Variants in AHI1 observed in about 807,000 individuals in gnomAD.
AHI1 encodes jouberin.
AHI1 carries 123 observed loss-of-function variants against 149.3 expected under a neutral mutation model. The observed-to-expected ratio is 0.82, with a 90% CI of 0.71 to 0.96. The LOEUF (loss-of-function observed/expected upper bound fraction) is 0.96. Among genes scored for constraint, AHI1 ranks in the 40% least tolerant of loss-of-function variants. AHI1 has a pLI of 0.00. For synonymous variants in AHI1, 475 were observed against 459.8 expected (o/e 1.03, Z -0.42); for missense variants, 1,439 against 1,422.7 (o/e 1.01, Z -0.18).
chr6:135,405,453 A>G (rs1350856468), intron 21 of AHI1, among the ~76,000 whole-genome samples: 1 of 152,140 alleles, frequency 6.6e-6, no homozygotes, highest in African/African-American at 2.4e-5. Flanking sequence ...ACAGAAAGGA[A>G]CTCTGTACAA....
At chr6:135,469,417 A>G (rs553814566) in intron 5 of AHI1, among the ~76,000 whole-genome samples, 1 of 152,314 alleles carries the variant, frequency 6.6e-6, no homozygotes, top group African/African-American at 2.4e-5. Context: ...TAATTTATAA[A>G]TTCTATGCTA....
chr6:135,454,343 T>C (rs1788590107), intron 10 of AHI1, among the ~76,000 whole-genome samples: 1 of 152,128 alleles, frequency 6.6e-6, no homozygotes, highest in Non-Finnish European at 1.5e-5. Flanking sequence ...TGTCAATACA[T>C]ACACATGAAT....
chr6:135,396,794 T>C (rs1779275160), intron 22 of AHI1, among the ~76,000 whole-genome samples: 1 of 151,644 alleles, frequency 6.6e-6, no homozygotes, highest in Non-Finnish European at 1.5e-5. Flanking sequence ...AAGATATATC[T>C]ATATACACAC....
chr6:135,387,901 A>T, intron 23 of AHI1: 1 of 1,584,706 alleles, frequency 6.3e-7, no homozygotes, highest in Non-Finnish European at 8.6e-7. Context: ...CGAAGAGAGA[A>T]AGTGAACTAC....
At chr6:135,417,205 A>C (rs1054020261) in intron 20 of AHI1, among the ~76,000 whole-genome samples, 3 of 151,992 alleles carry the variant, frequency 2.0e-5, no homozygotes, top group Non-Finnish European at 4.4e-5. Flanking sequence ...TCAACATTTA[A>C]TTGTGTTTTG....
intron 22 of AHI1, among the ~76,000 whole-genome samples, chr6:135,398,202 T>C (rs887352861): frequency 9.9e-5 from 15 of 152,006 alleles, no homozygotes; most frequent in African/African-American, 3.6e-4. Context: ...ATTCTCATAA[T>C]ATAAATTTTA....
At chr6:135,287,439 C>A (rs1319726438) in intron 28 of AHI1, among the ~76,000 whole-genome samples, 2 of 152,178 alleles carry the variant, frequency 1.3e-5, no homozygotes, top group African/African-American at 4.8e-5. Context: ...TGGTCATGTG[C>A]ACCCTTCGGA....
At chr6:135,451,198 T>C (rs1332647355) in intron 11 of AHI1, among the ~76,000 whole-genome samples, 1 of 152,140 alleles carries the variant, frequency 6.6e-6, no homozygotes. Flanking sequence ...GGTTTCACCA[T>C]ATTGGCCAGG....
chr6:135,340,674 T>TATACACATACATAC (rs1554283264), intron 24 of AHI1, among the ~76,000 whole-genome samples: 3 of 132,778 alleles, frequency 2.3e-5, no homozygotes, highest in African/African-American at 8.6e-5. Context: ...TATATATATA[T>TATACACATACATAC]ATATATATAT....
intron 24 of AHI1, among the ~76,000 whole-genome samples, chr6:135,356,479 A>C (rs17064469): frequency 0.02 from 3,014 of 152,244 alleles, 96 homozygotes; most frequent in African/African-American, 0.068. Context: ...GGTTATGGAG[A>C]AAGGGCAAAG....
chr6:135,301,110 T>C (rs1159851288), intron 26 of AHI1: 4 of 985,280 alleles, frequency 4.1e-6, no homozygotes, highest in Admixed American at 1.2e-4. Flanking sequence ...GAGCATCGGA[T>C]ACTTCCTTTA....
At chr6:135,421,902 A>G (rs1197785353) in intron 20 of AHI1, among the ~76,000 whole-genome samples, 3 of 152,198 alleles carry the variant, frequency 2.0e-5, no homozygotes, top group Admixed American at 2.0e-4. Context: ...AAAAATAAAT[A>G]TTTAAAATTC....
intron 5 of AHI1, among the ~76,000 whole-genome samples, chr6:135,482,988 T>C (rs1236265362): frequency 7.0e-6 from 1 of 143,302 alleles, no homozygotes; most frequent in East Asian, 2.2e-4. Context: ...ACCTCCCGGC[T>C]TCAAGTAATT....
Position 135,429,867 on chromosome 6 carries a change from C to T in AHI1, c.2492+15G>A, listed in dbSNP as rs535243555. ...TCTGTGAGTACTTATCCTGTCAACA[C>T]TGAAATATACTTACATCCGGAGATC... On this transcript the variant is annotated intron_variant, in intron 18 of 28. Coordinates refer to ENST00000265602, the MANE Select transcript of AHI1 (RefSeq NM_001134831.2). The T allele has an allele frequency of 2.9e-5, 42 of 1,426,044 alleles. No homozygotes were observed. The East Asian group carries it at 6.3e-4, about 22-fold the overall frequency. The allele number at this position is 1,426,044 out of a possible 1,614,324, so 88.3% of individuals were successfully genotyped here.
intron 24 of AHI1, 46 bp from the exon 25 acceptor site, chr6:135,323,370 C>T (rs1787170592): frequency 1.3e-6 from 2 of 1,578,230 alleles, no homozygotes; most frequent in East Asian, 4.5e-5. Context: ...AACTGTACCA[C>T]AGAGAAAACC....
intron 23 of AHI1, among the ~76,000 whole-genome samples, chr6:135,391,882 A>C (rs1778553490): frequency 6.6e-6 from 1 of 152,186 alleles, no homozygotes; most frequent in South Asian, 2.1e-4. Context: ...AGGAAAGTCG[A>C]GAGAAAAGGA....
Position 135,465,890 on chromosome 6 carries a change from A to G in AHI1, c.673T>C (p.Phe225Leu). The change falls in exon 7 of 29, where the codon TTC (phenylalanine) becomes CTC (leucine). Residue 225 changes from phenylalanine to leucine, a missense_variant. Coordinates refer to ENST00000265602, the MANE Select transcript of AHI1 (RefSeq NM_001134831.2). ...TCACTGCTTAGTTTGTCATCATGGA[A>G]TAAAGTATCTGAGGGAAAGTAAGTC... Reference protein sequence around the residue: ...QLTYFPSDTLFHDDKLSSEKR... With the variant: ...QLTYFPSDTLLHDDKLSSEKR... 6.4e-7 allele frequency: 1 copy of G among 1,567,344 alleles called. No individual in the cohort carries two copies. Among genetic ancestry groups the G allele is most frequent in the Non-Finnish European group, 8.6e-7 (1 of 1,159,966 alleles).
chr6:135,335,710 G>A (rs1789272195), intron 24 of AHI1, among the ~76,000 whole-genome samples: 1 of 152,112 alleles, frequency 6.6e-6, no homozygotes, highest in South Asian at 2.1e-4. Context: ...GTAAGCAAAT[G>A]TAAAATTACT....
At chr6:135,388,769 T>C (rs1777981704) in intron 23 of AHI1, among the ~76,000 whole-genome samples, 1 of 151,898 alleles carries the variant, frequency 6.6e-6, no homozygotes, top group Admixed American at 6.6e-5. Context: ...CCCAGCACTT[T>C]GGGAGGCTGA....
Sources: allele counts gnomAD v4.1 joint callset (sites outside exome capture counted in the v4.1 genomes callset), GRCh38; gene constraint gnomAD v4.1.1; transcripts MANE v1.5; gene names NCBI Gene and HGNC (gene_info 2026-07-23, HGNC 2026-07-21).